PLN: variants seen among roughly 807,000 people sequenced by gnomAD.
PLN encodes the protein cardiac phospholamban.
PLN carries 1 observed loss-of-function variant against 3.9 expected under a neutral mutation model. That is an observed-to-expected ratio of 0.26 (90% CI 0.09 to 1.23). PLN has a LOEUF of 1.23. Among genes scored for constraint, PLN ranks in the 50% most tolerant of loss-of-function variants. PLN has a pLI of 0.48. For synonymous variants in PLN, 21 were observed against 20.5 expected, an observed-to-expected ratio of 1.02 and a Z score of -0.07; for missense variants, 59 against 62.7, an observed-to-expected ratio of 0.94 and a Z score of 0.20.
chr6:118,559,553 A>T lies in PLN; in HGVS notation c.*473A>T, dbSNP rs941339190. Reference sequence around the variant, plus strand: ...GTAATAACACAAATGAAGTGTCATTATTCAAAATAGTCCACTGACTCCTCA... The same window carrying T: ...GTAATAACACAAATGAAGTGTCATTTTTCAAAATAGTCCACTGACTCCTCA... On this transcript the variant is annotated 3_prime_UTR_variant, in exon 2 of 2. Coordinates refer to ENST00000357525, the MANE Select transcript of PLN (RefSeq NM_002667.5). 1 of 189,892 alleles carries T rather than the reference A, an allele frequency of 5.3e-6. No homozygotes were observed. Among genetic ancestry groups the T allele is most frequent in the African/African-American group, 2.4e-5 (1 of 41,654 alleles). 11.8% of individuals were successfully genotyped at this position (189,892 alleles called of 1,614,324 possible).
chr6:118,559,155 C>A lies in PLN; in HGVS notation c.*75C>A. ...CTGTCATCCCATGCAGACAGGAAAA[C>A]AATATTGTATAACAGACCACTTCCT... is the stretch of plus-strand genomic sequence containing the variant. On this transcript the variant is annotated 3_prime_UTR_variant, in exon 2 of 2. Transcript: ENST00000357525. 1 of 1,101,820 alleles carries A rather than the reference C, an allele frequency of 9.1e-7. No homozygotes were observed. The highest frequency in any genetic ancestry group is 1.4e-6 in the Non-Finnish European group (1 of 712,282). The allele number at this position is 1,101,820 out of a possible 1,614,324, so 68.3% of individuals were successfully genotyped here. A position where few individuals can be genotyped will look rare whatever the true frequency, so the allele number is the denominator to read the frequency against.
chr6:118,558,925 G>A lies in PLN; in HGVS notation c.4G>A (p.Glu2Lys). 1 of 1,613,674 alleles carries A rather than the reference G, an allele frequency of 6.2e-7. No homozygotes were observed. The highest frequency in any genetic ancestry group is 8.5e-7 in the Non-Finnish European group (1 of 1,179,658). ...GACTTCCTGTCCTGCTGGTATCATGGAGAAAGTCCAATACCTCACTCGCTC... is the reference window on the plus strand; with the variant it reads ...GACTTCCTGTCCTGCTGGTATCATGAAGAAAGTCCAATACCTCACTCGCTC... M[E>K]KVQYLTRSAI... Residue 2 changes from glutamate to lysine, a missense_variant, in exon 2 of 2, where the codon GAG becomes AAG. Physicochemically the swap from Glu to Lys is moderately conservative, Grantham distance 56 (BLOSUM62 1). Transcript: ENST00000357525.
intron 1 of PLN, among the ~76,000 whole-genome samples, chr6:118,555,654 T>C (rs1778818187): frequency 6.6e-6 from 1 of 152,168 alleles, no homozygotes; most frequent in Non-Finnish European, 1.5e-5. Context: ...TGTCCCTTAT[T>C]TTTAACTTTT....
In PLN at chr6:118,555,524, A is replaced by T. The variant is rs1038731817; in HGVS notation, c.-97-3301A>T. Among the ~76,000 whole-genome samples the T allele has an allele frequency of 2.0e-5, 3 of 152,208 alleles. No homozygotes were observed. In the East Asian group the frequency reaches 5.8e-4, roughly 29 times the overall value. On this transcript the variant is annotated intron_variant, in intron 1 of 1. Coordinates refer to ENST00000357525, the MANE Select transcript of PLN (RefSeq NM_002667.5). ...CAATAAGCAAATATCAACATAAGCA[A>T]ATATCAACATAAGCAACTTAAAGGA...
chr6:118,554,312 CAATT>C (rs903162366), intron 1 of PLN, among the ~76,000 whole-genome samples: 18 of 152,122 alleles, frequency 1.2e-4, no homozygotes, highest in Non-Finnish European at 1.5e-4. Context: ...TTCATAAAAA[CAATT>C]AATTAATTAA....
chr6:118,559,970 C>A lies in PLN; in HGVS notation c.*890C>A, dbSNP rs1243569823. On this transcript the variant is annotated 3_prime_UTR_variant, in exon 2 of 2. Transcript: ENST00000357525. ...ATACTATATCTTTGGAATCATGAAACCTTAAGACTTCAGAATGATTTTGCA... is the reference window on the plus strand; with the variant it reads ...ATACTATATCTTTGGAATCATGAAAACTTAAGACTTCAGAATGATTTTGCA... 1.2e-5 allele frequency: 2 copies of A among 166,988 alleles called. No homozygotes were observed. Among genetic ancestry groups the A allele is most frequent in the Non-Finnish European group, 2.9e-5 (2 of 68,094 alleles). The allele number at this position is 166,988 out of a possible 1,614,324, so 10.3% of individuals were successfully genotyped here.
chr6:118,560,223 C>G lies in PLN; in HGVS notation c.*1143C>G, dbSNP rs775287766. 6.0e-6 allele frequency: 1 copy of G among 166,906 alleles called. No individual in the cohort carries two copies. The highest frequency in any genetic ancestry group is 2.4e-5 in the African/African-American group (1 of 41,384). 10.3% of individuals were successfully genotyped at this position (166,906 alleles called of 1,614,324 possible). A position where few individuals can be genotyped will look rare whatever the true frequency, so the allele number is the denominator to read the frequency against. ...TAGGGGAGCTGACAATTCGTGGGTC[C>G]GCAAAATCTTAACTACCTAATAGCC... On this transcript the variant is annotated 3_prime_UTR_variant, in exon 2 of 2. Transcript: ENST00000357525.
chr6:118,552,902 A>T (rs372077344), intron 1 of PLN, among the ~76,000 whole-genome samples: 19 of 152,166 alleles, frequency 1.2e-4, no homozygotes, highest in African/African-American at 4.6e-4. Context: ...AGCACCTTTC[A>T]TGTTTTCAAT....
rs1779109833 is a variant in PLN, at chr6:118,559,650, T to A, written c.*570T>A. 1 of 169,128 alleles carries A rather than the reference T, an allele frequency of 5.9e-6. No homozygotes were observed. The highest frequency in any genetic ancestry group is 2.4e-5 in the African/African-American group (1 of 41,446). 10.5% of individuals were successfully genotyped at this position (169,128 alleles called of 1,614,324 possible). A position where few individuals can be genotyped will look rare whatever the true frequency, so the allele number is the denominator to read the frequency against. ...TCTACATTCTAAAACAGAAATTGTA[T>A]TTTTTCTATGCCACATTAACATCTT... is the stretch of plus-strand genomic sequence containing the variant. On this transcript the variant is annotated 3_prime_UTR_variant, in exon 2 of 2. Transcript: ENST00000357525.
intron 1 of PLN, among the ~76,000 whole-genome samples, 173 bp from the exon 2 acceptor site, chr6:118,558,652 C>CAGAGAGAGAG (rs1482465423): frequency 6.3e-4 from 84 of 132,966 alleles, no homozygotes; most frequent in African/African-American, 2.6e-3. Context: ...CACACACACA[C>CAGAGAGAGAG]ACACACACAG....
intron 1 of PLN, among the ~76,000 whole-genome samples, chr6:118,550,248 T>C (rs2114924901): frequency 6.6e-6 from 1 of 151,988 alleles, no homozygotes; most frequent in Middle Eastern, 3.4e-3. Flanking sequence ...CATTTGGGTA[T>C]ATAATCATAT....
At chr6:118,553,192 A>G (rs981553868) in intron 1 of PLN, among the ~76,000 whole-genome samples, 2 of 147,898 alleles carry the variant, frequency 1.4e-5, no homozygotes, top group African/African-American at 5.0e-5. Context: ...GTACTCTATT[A>G]AACAGCTTAG....
At chr6:118,558,689 G>GAGAGAGAGAGAGT in intron 1 of PLN, 136 bp from the exon 2 acceptor site, 1 of 307,890 alleles carries the variant, frequency 3.2e-6, no homozygotes, top group African/African-American at 2.9e-5. Context: ...AGAGAGAGAG[G>GAGAGAGAGAGAGT]GAGAGAGACT....
At chr6:118,551,874 A>G (rs1347841700) in intron 1 of PLN, among the ~76,000 whole-genome samples, 2 of 152,016 alleles carry the variant, frequency 1.3e-5, no homozygotes, top group Non-Finnish European at 2.9e-5. Flanking sequence ...AAATGACTCC[A>G]CTGGAGTGAA....
At chr6:118,550,990 TA>T (rs940328972) in intron 1 of PLN, among the ~76,000 whole-genome samples, 26 of 151,568 alleles carry the variant, frequency 1.7e-4, no homozygotes, top group African/African-American at 4.8e-4. Context: ...GCACAGACTT[TA>T]AAAAAAATAA....
chr6:118,552,958 T>C lies in PLN; in HGVS notation c.-98+4566T>C, dbSNP rs963938937. ...GAAGACAATTTGATTTTAAAATTCA[T>C]CTATAAATGAATACCACTCTTGTGT... On this transcript the variant is annotated intron_variant, in intron 1 of 1. Transcript: ENST00000357525. 5.3e-5 allele frequency among the ~76,000 whole-genome samples: 8 copies of C among 152,158 alleles called. No homozygotes were observed. In the East Asian group the frequency reaches 1.5e-3, roughly 29 times the overall value.
Position 118,559,443 on chromosome 6 carries a change from C to T in PLN, c.*363C>T. ...CTTCATATATAAAGCATTATTTTTA[C>T]TCTTTTGAGGTGAATATAATTTATA... On this transcript the variant is annotated 3_prime_UTR_variant, in exon 2 of 2. Transcript: ENST00000357525. 3 of 295,898 alleles carry T rather than the reference C, an allele frequency of 1.0e-5. No individual in the cohort carries two copies. Among genetic ancestry groups the T allele is most frequent in the Non-Finnish European group, 6.9e-6 (1 of 144,844 alleles). 18.3% of individuals were successfully genotyped at this position (295,898 alleles called of 1,614,324 possible). A position where few individuals can be genotyped will look rare whatever the true frequency, so the allele number is the denominator to read the frequency against.
intron 1 of PLN, among the ~76,000 whole-genome samples, chr6:118,553,182 G>C (rs9489437): frequency 6.7e-6 from 1 of 148,400 alleles, no homozygotes; most frequent in African/African-American, 2.5e-5. Flanking sequence ...CATCGAAAAA[G>C]TACTCTATTA....
In PLN at chr6:118,560,409, T is replaced by C. The variant is rs962853793; in HGVS notation, c.*1329T>C. 6.0e-6 allele frequency: 1 copy of C among 167,010 alleles called. No homozygotes were observed. The highest frequency in any genetic ancestry group is 2.4e-5 in the African/African-American group (1 of 41,466). 10.3% of individuals were successfully genotyped at this position (167,010 alleles called of 1,614,324 possible). A position where few individuals can be genotyped will look rare whatever the true frequency, so the allele number is the denominator to read the frequency against. The stretch of plus-strand genomic sequence containing the variant: ...GAAAATATATTTACTATTCATTAAA[T>C]GGAAGTGGGTCAACATAAAAGTCTT... On this transcript the variant is annotated 3_prime_UTR_variant, in exon 2 of 2. Coordinates refer to ENST00000357525, the MANE Select transcript of PLN (RefSeq NM_002667.5).
Sources: allele counts gnomAD v4.1 joint callset (sites outside exome capture counted in the v4.1 genomes callset), GRCh38; gene constraint gnomAD v4.1.1; transcripts MANE v1.5; gene names NCBI Gene and HGNC (gene_info 2026-07-23, HGNC 2026-07-21).